Variants in NRG1 observed in about 807,000 individuals in gnomAD.
The protein encoded by NRG1 is pro-neuregulin-1, membrane-bound isoform.
NRG1 carries 18 observed loss-of-function variants against 63.8 expected under a neutral mutation model. The ratio of observed to expected loss-of-function variants is 0.28; its 90% CI spans 0.19 to 0.42. NRG1 has a LOEUF of 0.42. NRG1 is among the 10% of genes least tolerant of loss of function. The probability of loss-of-function intolerance (pLI) is 1.00; values close to 1 mark genes in which losing one functional copy is unlikely to be tolerated. For synonymous variants in NRG1, 302 were observed against 301.3 expected (o/e 1.00, Z -0.02); for missense variants, 762 against 814.7 (o/e 0.94, Z 0.79).
Position 31,827,756 on chromosome 8 carries a change from A to T in NRG1, c.37+188325A>T, listed in dbSNP as rs561676577. Among the ~76,000 whole-genome samples, 61 of 152,300 alleles carry T rather than the reference A, an allele frequency of 4.0e-4. 1 individual carries two copies. The highest frequency in any genetic ancestry group is 1.3e-3 in the African/African-American group (54 of 41,566). On this transcript the variant is annotated intron_variant, in intron 1 of 10. Coordinates refer to the NRG1 transcript ENST00000519301. Reference sequence around the variant, plus strand: ...TCTTTATTCGATTGTTTGCCTTTGAAAGTCTGGCTTTCATTGCATCATTAG... The same window carrying T: ...TCTTTATTCGATTGTTTGCCTTTGATAGTCTGGCTTTCATTGCATCATTAG...
intron 1 of NRG1, among the ~76,000 whole-genome samples, chr8:31,651,911 C>T (rs1051680568): frequency 2.6e-4 from 40 of 152,114 alleles, no homozygotes; most frequent in African/African-American, 9.4e-4. Context: ...CTTTTTGGCT[C>T]TCTATCTGAA....
At chr8:31,997,381 G>A (rs925911179) in intron 1 of NRG1, among the ~76,000 whole-genome samples, 1 of 151,866 alleles carries the variant, frequency 6.6e-6, no homozygotes, top group Non-Finnish European at 1.5e-5. Flanking sequence ...GCACAAATTT[G>A]TCCTGTCCTT....
intron 1 of NRG1, among the ~76,000 whole-genome samples, chr8:32,151,969 A>G (rs1442360795): frequency 6.6e-6 from 1 of 152,210 alleles, no homozygotes; most frequent in Non-Finnish European, 1.5e-5. Flanking sequence ...CCCCATCTAG[A>G]CATGCCTTAT....
chr8:32,122,443 A>G (rs781502154), intron 1 of NRG1, among the ~76,000 whole-genome samples: 2 of 151,954 alleles, frequency 1.3e-5, no homozygotes, highest in Non-Finnish European at 2.9e-5. Context: ...AGTCTCCCCA[A>G]TATATTCACA....
intron 1 of NRG1, among the ~76,000 whole-genome samples, chr8:32,291,368 C>T (rs1452316735): frequency 6.6e-6 from 1 of 152,098 alleles, no homozygotes; most frequent in African/African-American, 2.4e-5. Context: ...ACCTGGAACC[C>T]TCTGACTTCT....
At chr8:32,205,083 A>G (rs1017756635) in intron 1 of NRG1, among the ~76,000 whole-genome samples, 8 of 152,216 alleles carry the variant, frequency 5.3e-5, no homozygotes, top group Admixed American at 2.0e-4. Flanking sequence ...AGTAGACGTG[A>G]TATGTTGTTA....
At chr8:32,228,349 C>T (rs1846548760) in intron 1 of NRG1, among the ~76,000 whole-genome samples, 1 of 152,088 alleles carries the variant, frequency 6.6e-6, no homozygotes, top group African/African-American at 2.4e-5. Flanking sequence ...TTAAAAAATT[C>T]CATGTAATTA....
chr8:31,813,119 T>C (rs1412976053), intron 1 of NRG1, among the ~76,000 whole-genome samples: 2 of 152,258 alleles, frequency 1.3e-5, no homozygotes, highest in Admixed American at 6.5e-5. Flanking sequence ...CTTCTCTGTA[T>C]ATTTATCATC....
intron 7 of NRG1, among the ~76,000 whole-genome samples, chr8:32,750,635 G>C (rs1828517835): frequency 6.7e-6 from 1 of 149,142 alleles, no homozygotes; most frequent in Admixed American, 6.8e-5. Context: ...GTAGTTTCCA[G>C]ACTTTGCGGG....
intron 1 of NRG1, among the ~76,000 whole-genome samples, chr8:31,643,677 G>A (rs761657139): frequency 2.3e-4 from 35 of 152,110 alleles, no homozygotes; most frequent in Non-Finnish European, 4.4e-4. Context: ...TTTTTCTGTT[G>A]CTCACTGAAC....
rs373406820 is a variant in NRG1, at chr8:32,173,917, A to G, written c.38-421911A>G. Among the ~76,000 whole-genome samples the G allele has an allele frequency of 3.3e-5, 5 of 152,328 alleles. No individual in the cohort carries two copies. The East Asian group carries it at 7.7e-4, about 23-fold the overall frequency. ...GAGACTTTAACACTCCACTGTCAAC[A>G]TTAGACTGATCAACGAGACAGAAAG... is the stretch of plus-strand genomic sequence containing the variant. On this transcript the variant is annotated intron_variant, in intron 1 of 10. Transcript: ENST00000519301.
chr8:32,093,923 A>G (rs1829540097), intron 1 of NRG1, among the ~76,000 whole-genome samples: 1 of 152,242 alleles, frequency 6.6e-6, no homozygotes, highest in African/African-American at 2.4e-5. Context: ...TTCAGCCTGG[A>G]TATGATGCAA....
At chr8:32,646,748 G>C in intron 5 of NRG1, 6 of 985,406 alleles carry the variant, frequency 6.1e-6, no homozygotes, top group Non-Finnish European at 7.2e-6. Context: ...ACTGATGCCT[G>C]CCTGCCTCTC....
At position 32,725,464 on chromosome 8, in the gene NRG1, A is replaced by ATTTTTTTTTTTTTTTTTT. The variant is rs71209904; in HGVS notation, c.503-2473_503-2456dup. Among the ~76,000 whole-genome samples the ATTTTTTTTTTTTTTTTTT allele has an allele frequency of 3.0e-4, 20 of 67,582 alleles. 3 individuals are homozygous for ATTTTTTTTTTTTTTTTTT. The highest frequency in any genetic ancestry group is 1.3e-3 in the East Asian group (2 of 1,574). 44.3% of individuals were successfully genotyped at this position (67,582 alleles called of 152,430 possible). A position where few individuals can be genotyped will look rare whatever the true frequency, so the allele number is the denominator to read the frequency against. On this transcript the variant is annotated intron_variant, in intron 5 of 11. Coordinates refer to ENST00000356819, the Ensembl canonical transcript of NRG1. ...TTTAACATTCGAGGCAAACTTCCTA[A>ATTTTTTTTTTTTTTTTTT]TTTTTTTTTTTTTTTTTTTTTTTTT...
Position 31,732,230 on chromosome 8 carries a change from C to T in NRG1, c.37+92799C>T, listed in dbSNP as rs1814159650. On this transcript the variant is annotated intron_variant, in intron 1 of 10. Coordinates refer to the NRG1 transcript ENST00000519301. ...CACAGCTGACGTTATCACGATTAGA[C>T]AATGCTTTGCCTTACCAATTATTTA... is the stretch of plus-strand genomic sequence containing the variant. 2.0e-5 allele frequency among the ~76,000 whole-genome samples: 3 copies of T among 152,122 alleles called. No individual in the cohort carries two copies. The South Asian group carries it at 6.2e-4, about 31-fold the overall frequency.
At chr8:31,783,935 T>TC (rs1169732764) in intron 1 of NRG1, among the ~76,000 whole-genome samples, 1 of 152,226 alleles carries the variant, frequency 6.6e-6, no homozygotes, top group Non-Finnish European at 1.5e-5. Context: ...ATACATTTTC[T>TC]TATACAATAT....
intron 1 of NRG1, among the ~76,000 whole-genome samples, chr8:32,274,034 T>A (rs915701035): frequency 6.6e-6 from 1 of 152,068 alleles, no homozygotes; most frequent in Non-Finnish European, 1.5e-5. Context: ...GAACACCAAA[T>A]GCCTACAATT....
intron 1 of NRG1, among the ~76,000 whole-genome samples, chr8:31,921,666 A>G (rs1833930422): frequency 6.6e-6 from 1 of 152,136 alleles, no homozygotes; most frequent in Admixed American, 6.6e-5. Context: ...TGAAATCTAA[A>G]ATGTAGACTT....
At chr8:31,760,570 T>A (rs1386220437) in intron 1 of NRG1, among the ~76,000 whole-genome samples, 2 of 151,892 alleles carry the variant, frequency 1.3e-5, no homozygotes, top group East Asian at 1.9e-4. Flanking sequence ...AGGGCTAATA[T>A]CCAGAATCTA....
Sources: allele counts gnomAD v4.1 joint callset (sites outside exome capture counted in the v4.1 genomes callset), GRCh38; gene constraint gnomAD v4.1.1; transcripts MANE v1.5; gene names NCBI Gene and HGNC (gene_info 2026-07-23, HGNC 2026-07-21).